RAD52: variants seen among roughly 807,000 people sequenced by gnomAD.
The protein encoded by RAD52 is RAD52 DNA repair protein, also known as DNA repair protein RAD52 homolog.
Under a neutral mutation model 55.5 loss-of-function variants are expected in RAD52, and 47 were observed. The observed-to-expected ratio is 0.85, with a 90% CI of 0.67 to 1.08. The LOEUF (loss-of-function observed/expected upper bound fraction) is 1.08. RAD52 is among the 50% of genes least tolerant of loss of function. The pLI is 0.00. For synonymous variants in RAD52, 184 were observed against 198.9 expected (o/e 0.92, Z 0.63); for missense variants, 468 against 522.8 (o/e 0.90, Z 1.02).
intron 1 of RAD52, chr12:976,705 G>A (rs922780153): frequency 2.0e-5 from 3 of 152,148 alleles, no homozygotes; most frequent in East Asian, 3.8e-4. Flanking sequence ...GATGAGACAG[G>A]CTCTAATTCC....
At chr12:968,060 A>G (rs998243873) in intron 1 of RAD52, among the ~76,000 whole-genome samples, 4 of 152,104 alleles carry the variant, frequency 2.6e-5, no homozygotes, top group Admixed American at 2.6e-4. Context: ...CATGACATTA[A>G]GTTTGTAAGA....
At chr12:936,780 A>C (rs1957658063) in intron 1 of RAD52, 1 of 152,194 alleles carries the variant, frequency 6.6e-6, no homozygotes, top group Non-Finnish European at 1.5e-5. Flanking sequence ...ACAAAGGTAG[A>C]ATCCAAATGC....
intron 1 of RAD52, among the ~76,000 whole-genome samples, chr12:934,241 C>T (rs982304195): frequency 3.3e-5 from 5 of 151,804 alleles, no homozygotes; most frequent in South Asian, 4.2e-4. Context: ...CTGAGGCGGG[C>T]GGATCACCTG....
At chr12:930,498 A>G (rs755908012) in intron 3 of RAD52, among the ~76,000 whole-genome samples, 6 of 152,156 alleles carry the variant, frequency 3.9e-5, no homozygotes, top group Non-Finnish European at 8.8e-5. Flanking sequence ...AGTTGCTAAA[A>G]TTCAGTTTGC....
In RAD52 at chr12:916,834, A is replaced by G. The variant is rs1180416796; in HGVS notation, c.544-14T>C. Reference sequence around the variant, plus strand: ...TTCAAGAGGCAACTAGAAGGAAAGAAGAAAAACAAATTCCTTCAACTGGCT... The same window carrying G: ...TTCAAGAGGCAACTAGAAGGAAAGAGGAAAAACAAATTCCTTCAACTGGCT... On this transcript the variant is annotated splice_polypyrimidine_tract_variant and intron_variant, in intron 7 of 11. Transcript: ENST00000358495. The G allele has an allele frequency of 6.3e-7, 1 of 1,590,074 alleles. No individual in the cohort carries two copies. Among genetic ancestry groups the G allele is most frequent in the African/African-American group, 1.3e-5 (1 of 74,446 alleles).
chr12:916,630 G>A lies in RAD52; in HGVS notation c.725+9C>T. 6.2e-7 allele frequency: 1 copy of A among 1,611,292 alleles called. No individual in the cohort carries two copies. The highest frequency in any genetic ancestry group is 8.5e-7 in the Non-Finnish European group (1 of 1,178,200). The stretch of plus-strand genomic sequence containing the variant: ...CCGCAGAGGAAAGGAGGGGACTTAG[G>A]CCGCATACCGGGAGCTGCAGTCCTG... On this transcript the variant is annotated intron_variant, in intron 8 of 11. Coordinates refer to ENST00000358495, the MANE Select transcript of RAD52 (RefSeq NM_134424.4).
intron 1 of RAD52, among the ~76,000 whole-genome samples, chr12:946,864 C>G (rs12822733): frequency 0.17 from 26,579 of 152,158 alleles, 2,326 homozygotes; most frequent in South Asian, 0.22. Flanking sequence ...ACACTCATCT[C>G]CAACTACACC....
At chr12:965,877 G>A (rs1958756604) in intron 1 of RAD52, among the ~76,000 whole-genome samples, 1 of 152,046 alleles carries the variant, frequency 6.6e-6, no homozygotes, top group Admixed American at 6.6e-5. Flanking sequence ...AGTAGAGACA[G>A]GGTTTCGCCT....
At chr12:942,832 G>C (rs966657691) in intron 1 of RAD52, among the ~76,000 whole-genome samples, 1 of 151,266 alleles carries the variant, frequency 6.6e-6, no homozygotes, top group Non-Finnish European at 1.5e-5. Context: ...GACTCAGAAA[G>C]CAGTAACTAT....
intron 10 of RAD52, 73 bp from the exon 11 acceptor site, chr12:914,194 G>T: frequency 6.9e-7 from 1 of 1,443,138 alleles, no homozygotes; most frequent in Non-Finnish European, 9.5e-7. Flanking sequence ...GGAAAAACTG[G>T]CCCTCAGAAA....
chr12:931,136 C>T, intron 3 of RAD52, 84 bp downstream of exon 3: 1 of 1,133,548 alleles, frequency 8.8e-7, no homozygotes, highest in Non-Finnish European at 1.3e-6. Context: ...CTTCCGAATC[C>T]CTGAGGACCC....
In RAD52 at chr12:913,160, T is replaced by C; in HGVS notation, c.*231A>G. On this transcript the variant is annotated 3_prime_UTR_variant, in exon 12 of 12. Transcript: ENST00000358495. ...GAAGCCTCACAAGCCGAAGAAAAGG[T>C]ATTCATCTGTCCAGAGCCTCTCCCT... The C allele has an allele frequency of 2.2e-6, 1 of 448,784 alleles. No homozygotes were observed. The highest frequency in any genetic ancestry group is 4.8e-5 in the South Asian group (1 of 20,642). The allele number at this position is 448,784 out of a possible 1,614,324, so 27.8% of individuals were successfully genotyped here. A position where few individuals can be genotyped will look rare whatever the true frequency, so the allele number is the denominator to read the frequency against.
At chr12:972,226 C>T (rs1185910064) in intron 1 of RAD52, among the ~76,000 whole-genome samples, 1 of 152,114 alleles carries the variant, frequency 6.6e-6, no homozygotes, top group Non-Finnish European at 1.5e-5. Context: ...TCTCATGGAA[C>T]TTACATTTCA....
chr12:970,318 CAAA>C (rs4017793), intron 1 of RAD52, among the ~76,000 whole-genome samples: 5 of 67,180 alleles, frequency 7.4e-5, no homozygotes, highest in Non-Finnish European at 1.0e-4. Context: ...GACATCATCT[CAAA>C]AAAAAAAAAA....
At chr12:976,617 C>T (rs1484915523) in intron 1 of RAD52, 1 of 152,220 alleles carries the variant, frequency 6.6e-6, no homozygotes, top group Admixed American at 6.5e-5. Context: ...TACTTGGATA[C>T]TCCAGATGAG....
chr12:960,251 G>A (rs1427246290), intron 1 of RAD52, among the ~76,000 whole-genome samples: 1 of 152,174 alleles, frequency 6.6e-6, no homozygotes, highest in Non-Finnish European at 1.5e-5. Context: ...TGGTAGCTTA[G>A]TGAAGTTGGA....
At chr12:945,648 C>A (rs957115936) in intron 1 of RAD52, among the ~76,000 whole-genome samples, 1 of 151,064 alleles carries the variant, frequency 6.6e-6, no homozygotes, top group South Asian at 2.1e-4. Flanking sequence ...GTTGGCCAGG[C>A]TGGTCTCGAA....
chr12:913,245 T>A lies in RAD52; in HGVS notation c.*146A>T. The A allele has an allele frequency of 1.4e-6, 1 of 715,706 alleles. No homozygotes were observed. The highest frequency in any genetic ancestry group is 2.4e-6 in the Non-Finnish European group (1 of 416,944). The allele number at this position is 715,706 out of a possible 1,614,324, so 44.3% of individuals were successfully genotyped here. A position where few individuals can be genotyped will look rare whatever the true frequency, so the allele number is the denominator to read the frequency against. ...AGCTCTAACTGCAGTGGGCTCTCAG[T>A]CAGATCCTCTTGATAAGGTTCAGAA... On this transcript the variant is annotated 3_prime_UTR_variant, in exon 12 of 12. Transcript: ENST00000358495.
intron 1 of RAD52, among the ~76,000 whole-genome samples, chr12:940,935 T>C (rs1456710601): frequency 2.0e-5 from 3 of 152,020 alleles, no homozygotes; most frequent in South Asian, 2.1e-4. Context: ...TCACATACAA[T>C]TGAAGTGAAA....
Sources: allele counts gnomAD v4.1 joint callset (sites outside exome capture counted in the v4.1 genomes callset), GRCh38; gene constraint gnomAD v4.1.1; transcripts MANE v1.5; gene names NCBI Gene and HGNC (gene_info 2026-07-23, HGNC 2026-07-21).